Variants in ATAT1 observed in about 807,000 individuals in gnomAD.
ATAT1 encodes alpha-tubulin N-acetyltransferase 1.
A neutral mutation model predicts 57.2 loss-of-function variants in ATAT1; 42 were observed. The observed-to-expected ratio is 0.73, with a 90% CI of 0.57 to 0.95. The LOEUF (loss-of-function observed/expected upper bound fraction) is 0.95. Among genes scored for constraint, ATAT1 ranks in the 40% least tolerant of loss-of-function variants. The pLI, the probability that ATAT1 is intolerant of heterozygous loss-of-function variation, is 0.00. For synonymous variants in ATAT1, 168 were observed against 187.1 expected, an observed-to-expected ratio of 0.90 and a Z score of 0.83; for missense variants, 454 against 523.7, an observed-to-expected ratio of 0.87 and a Z score of 1.30.
chr6:30,644,497 C>T, intron 10 of ATAT1: 2 of 985,862 alleles, frequency 2.0e-6, no homozygotes, highest in Non-Finnish European at 2.4e-6. Context: ...CCTCCCTACC[C>T]TCTGAATGTG....
intron 10 of ATAT1, 34 bp downstream of exon 10, chr6:30,643,045 G>A (rs374543544): frequency 3.4e-5 from 53 of 1,565,792 alleles, no homozygotes; most frequent in Non-Finnish European, 2.2e-5. Context: ...GAGCCTCACA[G>A]CTATAAAAGA....
chr6:30,644,838 C>T (rs1473472771), intron 10 of ATAT1, among the ~76,000 whole-genome samples: 1 of 152,154 alleles, frequency 6.6e-6, no homozygotes, highest in Non-Finnish European at 1.5e-5. Context: ...TGTTAGTCCT[C>T]CTGCAGATTC....
intron 10 of ATAT1, 115 bp downstream of exon 10, chr6:30,643,126 G>A: frequency 6.6e-7 from 1 of 1,512,598 alleles, no homozygotes; most frequent in South Asian, 1.3e-5. Context: ...GTGGCTTGGG[G>A]GGGGTCCTGA....
chr6:30,636,380 C>T (rs540457018), intron 6 of ATAT1, among the ~76,000 whole-genome samples: 44 of 152,036 alleles, frequency 2.9e-4, no homozygotes, highest in African/African-American at 1.1e-3. Flanking sequence ...GTCAGGAGAT[C>T]GAGACCATCC....
chr6:30,638,938 C>A (rs780262562), intron 6 of ATAT1, among the ~76,000 whole-genome samples: 1 of 152,146 alleles, frequency 6.6e-6, no homozygotes, highest in South Asian at 2.1e-4. Flanking sequence ...AGCATGTCTT[C>A]CCCTGACTTT....
At chr6:30,637,380 TTTC>T (rs984154255) in intron 6 of ATAT1, among the ~76,000 whole-genome samples, 1 of 152,048 alleles carries the variant, frequency 6.6e-6, no homozygotes, top group Non-Finnish European at 1.5e-5. Flanking sequence ...TTTTTTTTTT[TTTC>T]TTTTTGAGGC....
intron 6 of ATAT1, among the ~76,000 whole-genome samples, chr6:30,632,933 C>A: frequency 7.7e-6 from 1 of 129,288 alleles, no homozygotes. Flanking sequence ...AGAGTAAGAC[C>A]CCATATCAAA....
intron 6 of ATAT1, among the ~76,000 whole-genome samples, chr6:30,639,539 C>T (rs541116042): frequency 3.3e-5 from 5 of 150,808 alleles, no homozygotes; most frequent in Non-Finnish European, 5.9e-5. Flanking sequence ...TGCAGTGGCA[C>T]GATCTCAGCT....
At chr6:30,642,119 A>G (rs1211954836) in intron 8 of ATAT1, 57 bp from the exon 9 acceptor site, 223 of 1,608,836 alleles carry the variant, frequency 1.4e-4, no homozygotes, top group East Asian at 1.3e-4. Context: ...GGCTGGGAGG[A>G]GGGGTGCAAA....
chr6:30,635,127 CT>C (rs1421446359), intron 6 of ATAT1, among the ~76,000 whole-genome samples: 1 of 152,110 alleles, frequency 6.6e-6, no homozygotes, highest in African/African-American at 2.4e-5. Context: ...ATTTATTTGC[CT>C]TTTTTGTCTA....
chr6:30,629,601 G>C (rs576277687), intron 6 of ATAT1, among the ~76,000 whole-genome samples: 28 of 151,926 alleles, frequency 1.8e-4, no homozygotes, highest in Non-Finnish European at 3.5e-4. Flanking sequence ...CTGGAGTGCA[G>C]TGGCACGATC....
chr6:30,644,531 GTT>G, intron 10 of ATAT1: 1 of 985,712 alleles, frequency 1.0e-6, no homozygotes, highest in Non-Finnish European at 1.2e-6. Flanking sequence ...GCCCCACTGT[GTT>G]TCCTGAAATC....
In ATAT1 at chr6:30,627,241, C is replaced by T. The variant is rs1761867310; in HGVS notation, c.38C>T (p.Thr13Ile). 1 of 1,613,892 alleles carries T rather than the reference C, an allele frequency of 6.2e-7. No homozygotes were observed. Among genetic ancestry groups the T allele is most frequent in the Non-Finnish European group, 8.5e-7 (1 of 1,179,886 alleles). Reference sequence around the variant, plus strand: ...TGGCCTTTCTGCTTCCTCACAATAACCTTAAGGGAGGAGGGAGTGTGCCAC... The same window carrying T: ...TGGCCTTTCTGCTTCCTCACAATAATCTTAAGGGAGGAGGGAGTGTGCCAC... The change falls in exon 1 of 13, where the codon ACC (threonine) becomes ATC (isoleucine). Residue 13 changes from threonine (T) to isoleucine (I), a missense_variant. Transcript: ENST00000330083.
intron 6 of ATAT1, among the ~76,000 whole-genome samples, chr6:30,631,662 C>T (rs563150546): frequency 6.6e-6 from 1 of 152,000 alleles, no homozygotes; most frequent in African/African-American, 2.4e-5. Context: ...ACCTGTGGTC[C>T]CAGCTACTTG....
chr6:30,632,936 A>G (rs1763227627), intron 6 of ATAT1, among the ~76,000 whole-genome samples: 2 of 119,624 alleles, frequency 1.7e-5, no homozygotes, highest in Non-Finnish European at 3.5e-5. Flanking sequence ...GTAAGACCCC[A>G]TATCAAAAAA....
intron 8 of ATAT1, 59 bp downstream of exon 8, chr6:30,640,662 G>A: frequency 2.5e-6 from 4 of 1,590,900 alleles, no homozygotes; most frequent in Middle Eastern, 1.8e-4. Flanking sequence ...TACTCTAGAT[G>A]CCACGGGGTA....
chr6:30,631,577 G>A (rs1022207559), intron 6 of ATAT1, among the ~76,000 whole-genome samples: 12 of 151,016 alleles, frequency 7.9e-5, no homozygotes, highest in African/African-American at 1.5e-4. Context: ...CCAGGAGTTC[G>A]AGACTAGCCT....
At position 30,628,248 on chromosome 6, in the gene ATAT1, A is replaced by G. The variant is rs553447785; in HGVS notation, c.400-81A>G. On this transcript the variant is annotated intron_variant, in intron 5 of 12. Coordinates refer to ENST00000330083, the MANE Select transcript of ATAT1 (RefSeq NM_001031722.4). Reference sequence around the variant, plus strand: ...ACCCCCCATGTTCCCATGTCATTCTATTCCCTTCCCAGGCTTCTGGCTTCC... The same window carrying G: ...ACCCCCCATGTTCCCATGTCATTCTGTTCCCTTCCCAGGCTTCTGGCTTCC... 18 of 1,540,560 alleles carry G rather than the reference A, an allele frequency of 1.2e-5. No homozygotes were observed. In the East Asian group the frequency reaches 1.3e-4, roughly 12 times the overall value.
At chr6:30,634,395 C>T (rs574082202) in intron 6 of ATAT1, among the ~76,000 whole-genome samples, 46 of 151,768 alleles carry the variant, frequency 3.0e-4, no homozygotes, top group Admixed American at 1.6e-3. Flanking sequence ...GGATTACAGG[C>T]GCCCGCCACC....
Sources: allele counts gnomAD v4.1 joint callset (sites outside exome capture counted in the v4.1 genomes callset), GRCh38; gene constraint gnomAD v4.1.1; transcripts MANE v1.5; gene names NCBI Gene and HGNC (gene_info 2026-07-23, HGNC 2026-07-21).